NTSR1: variants seen among roughly 807,000 people sequenced by gnomAD.
The protein encoded by NTSR1 is neurotensin receptor 1.
A neutral mutation model predicts 31.2 loss-of-function variants in NTSR1; 29 were observed. The observed-to-expected ratio is 0.93, with a 90% confidence interval of 0.69 to 1.27. The LOEUF is 1.27. Among genes scored for constraint, NTSR1 ranks in the 50% most tolerant of loss-of-function variants. The probability of loss-of-function intolerance (pLI) is 0.00; values close to 1 mark genes in which losing one functional copy is unlikely to be tolerated. For synonymous variants in NTSR1, 282 were observed against 269.9 expected (o/e 1.04, Z -0.44); for missense variants, 697 against 595.4 (o/e 1.17, Z -1.78).
rs1174647836 is a variant in NTSR1, at chr20:62,709,887, C to T, written c.680C>T (p.Thr227Ile). Residue 227 changes from threonine to isoleucine, a missense_variant, in exon 1 of 4, where the codon ACC becomes ATC. Physicochemically the swap from Thr to Ile is moderately conservative, Grantham distance 89 (BLOSUM62 -1). Coordinates refer to ENST00000370501, the MANE Select transcript of NTSR1 (RefSeq NM_002531.3). ...GCCGGCGGCCTGGTGTGCACCCCCA[C>T]CATCCACACTGCCACCGTCAAGGTC... ...QHAGGLVCTP[T>I]IHTATVKVVI... is the part of the protein sequence containing the mutation. 1 of 1,601,098 alleles carries T rather than the reference C, an allele frequency of 6.2e-7. No homozygotes were observed. Among genetic ancestry groups the T allele is most frequent in the South Asian group, 1.1e-5 (1 of 90,602 alleles).
chr20:62,714,278 C>T lies in NTSR1; in HGVS notation c.714+4357C>T, dbSNP rs1010610893. Among the ~76,000 whole-genome samples the T allele has an allele frequency of 6.6e-6, 1 of 152,086 alleles. No individual in the cohort carries two copies. Among genetic ancestry groups the T allele is most frequent in the Admixed American group, 6.5e-5 (1 of 15,274 alleles). On this transcript the variant is annotated intron_variant, in intron 1 of 3. Transcript: ENST00000370501. This position sits in a 1 kb window ranked among gnomAD's most constrained non-coding sequence, Gnocchi z 4.1. ...GCATAGAGGGCTGTTGGTGTGGGGC[C>T]AAGAGTCACACACTTCCTCCAGTCT...
intron 1 of NTSR1, among the ~76,000 whole-genome samples, chr20:62,716,418 G>A (rs1008366276): frequency 6.6e-6 from 1 of 151,240 alleles, no homozygotes; most frequent in Non-Finnish European, 1.5e-5. Context: ...GTCGGAGGAG[G>A]GGTGGGGTGG....
chr20:62,741,411 C>T lies in NTSR1; in HGVS notation c.715-13274C>T, dbSNP rs752741788. On this transcript the variant is annotated intron_variant, in intron 1 of 3. Coordinates refer to ENST00000370501, the MANE Select transcript of NTSR1 (RefSeq NM_002531.3). This position sits in a 1 kb window ranked among gnomAD's most constrained non-coding sequence, Gnocchi z 4.3. ...GAGGGCAAACCTCTTGCAGAGGTGA[C>T]GGGTGACTCACCAGCCCCGCTCAGA... 1.3e-5 allele frequency among the ~76,000 whole-genome samples: 2 copies of T among 149,706 alleles called. No individual in the cohort carries two copies. Among genetic ancestry groups the T allele is most frequent in the African/African-American group, 5.0e-5 (2 of 40,150 alleles).
Position 62,760,200 on chromosome 20 carries a change from G to C in NTSR1, c.1190G>C (p.Arg397Thr). 1.2e-6 allele frequency: 2 copies of C among 1,613,936 alleles called. No homozygotes were observed. The highest frequency in any genetic ancestry group is 1.7e-6 in the Non-Finnish European group (2 of 1,180,012). The change falls in exon 4 of 4, where the codon AGG becomes ACG. Residue 397 changes from arginine (R) to threonine (T), a missense_variant. Transcript: ENST00000370501. ...AGGAGGAAGAGGCCAGCCTTCTCGA[G>C]GAAGGCCGACAGCGTGTCCAGCAAC... ...RRRRKRPAFSRKADSVSSNHT... is the reference protein window; with the variant it reads ...RRRRKRPAFSTKADSVSSNHT...
intron 1 of NTSR1, among the ~76,000 whole-genome samples, chr20:62,737,504 G>A (rs1600727761): frequency 1.3e-5 from 2 of 152,274 alleles, no homozygotes; most frequent in East Asian, 3.9e-4. Flanking sequence ...GGGGCCACTT[G>A]TCCTACTTGC....
Position 62,717,943 on chromosome 20 carries a change from TG to T in NTSR1, c.714+8027del, listed in dbSNP as rs1251967702. The stretch of plus-strand genomic sequence containing the variant: ...CAGAGAAAACCACACGGGGGGAGCG[TG>T]GGGGTGCAGGCAGGTCAGGAAGGCC... On this transcript the variant is annotated intron_variant, in intron 1 of 3. Coordinates refer to ENST00000370501, the MANE Select transcript of NTSR1 (RefSeq NM_002531.3). 6.0e-5 allele frequency among the ~76,000 whole-genome samples: 9 copies of T among 151,098 alleles called. No individual in the cohort carries two copies. In the East Asian group the frequency reaches 1.4e-3, roughly 23 times the overall value.
chr20:62,714,536 G>A lies in NTSR1; in HGVS notation c.714+4615G>A, dbSNP rs1192099182. Among the ~76,000 whole-genome samples, 1 of 152,192 alleles carries A rather than the reference G, an allele frequency of 6.6e-6. No homozygotes were observed. Among genetic ancestry groups the A allele is most frequent in the East Asian group, 1.9e-4 (1 of 5,196 alleles). On this transcript the variant is annotated intron_variant, in intron 1 of 3. Coordinates refer to ENST00000370501, the MANE Select transcript of NTSR1 (RefSeq NM_002531.3). The surrounding 1 kb of genome is among the most constrained non-coding windows in gnomAD (Gnocchi z 4.1). ...ACAGCTGCTGGGGTCACGAAGGGGA[G>A]AGAGTTAGGTGTGAGGTGAGCCCTG...
chr20:62,710,598 G>A (rs563822981), intron 1 of NTSR1, among the ~76,000 whole-genome samples: 5 of 152,216 alleles, frequency 3.3e-5, no homozygotes, highest in South Asian at 4.2e-4. Context: ...GTGTGGCGGC[G>A]GTGTTGTGGT....
Position 62,709,730 on chromosome 20 carries a change from A to AT in NTSR1, c.523_524insT (p.Lys175IlefsTer158). 2 of 1,612,922 alleles carry AT rather than the reference A, an allele frequency of 1.2e-6. No homozygotes were observed. Among genetic ancestry groups the AT allele is most frequent in the East Asian group, 2.2e-5 (1 of 44,868 alleles). On this transcript the variant is annotated frameshift_variant, in exon 1 of 4. Coordinates refer to ENST00000370501, the MANE Select transcript of NTSR1 (RefSeq NM_002531.3). LOFTEE classifies it high-confidence loss of function. Reference sequence around the variant, plus strand: ...CTACCTGGCCATCTGCCACCCCTTCAAGGCCAAGACCCTCATGTCCCGAAG... The same window carrying AT: ...CTACCTGGCCATCTGCCACCCCTTCATAGGCCAAGACCCTCATGTCCCGAAG...
rs766439818 is a variant in NTSR1 at position 62,709,653 on chromosome 20, A to ACGC, written c.448_450dup (p.Ala150dup). 1 of 1,612,526 alleles carries ACGC rather than the reference A, an allele frequency of 6.2e-7. No individual in the cohort carries two copies. Among genetic ancestry groups the ACGC allele is most frequent in the Non-Finnish European group, 8.5e-7 (1 of 1,179,900 alleles). On this transcript the variant is annotated inframe_insertion, in exon 1 of 4. Coordinates refer to ENST00000370501, the MANE Select transcript of NTSR1 (RefSeq NM_002531.3). ...TGCCGCGGCTACTACTTCCTGCGCGACGCCTGCACCTACGCCACGGCCCTC... is the reference window on the plus strand; with the variant it reads ...TGCCGCGGCTACTACTTCCTGCGCGACGCCGCCTGCACCTACGCCACGGCCCTC...
intron 1 of NTSR1, among the ~76,000 whole-genome samples, chr20:62,727,339 T>TG (rs979782979): frequency 6.6e-6 from 1 of 151,896 alleles, no homozygotes; most frequent in African/African-American, 2.4e-5. Flanking sequence ...TGGGTGGAAG[T>TG]GGGGGGTCCC....
At position 62,745,945 on chromosome 20, in the gene NTSR1, C is replaced by T. The variant is rs947380486; in HGVS notation, c.715-8740C>T. ...CGCCAGGGTGCTGTGGCATCAGTGGCGCTGAGGCATCCTCTGGCCGGCCCT... is the reference window on the plus strand; with the variant it reads ...CGCCAGGGTGCTGTGGCATCAGTGGTGCTGAGGCATCCTCTGGCCGGCCCT... On this transcript the variant is annotated intron_variant, in intron 1 of 3. Coordinates refer to ENST00000370501, the MANE Select transcript of NTSR1 (RefSeq NM_002531.3). This position sits in a 1 kb window ranked among gnomAD's most constrained non-coding sequence, Gnocchi z 4.1. Among the ~76,000 whole-genome samples, 10 of 152,346 alleles carry T rather than the reference C, an allele frequency of 6.6e-5. No individual in the cohort carries two copies. Among genetic ancestry groups the T allele is most frequent in the South Asian group, 2.1e-4 (1 of 4,832 alleles).
intron 2 of NTSR1, chr20:62,756,636 G>A (rs1427976854): frequency 6.6e-6 from 1 of 152,274 alleles, no homozygotes; most frequent in Non-Finnish European, 1.5e-5. Flanking sequence ...TGGACACGGA[G>A]CTCTCAGGGC....
intron 1 of NTSR1, among the ~76,000 whole-genome samples, chr20:62,747,072 G>C (rs56389715): frequency 0.19 from 29,629 of 152,172 alleles, 4,201 homozygotes; most frequent in African/African-American, 0.4. Flanking sequence ...CCCTGGGATG[G>C]AAACACAGTT....
Position 62,733,707 on chromosome 20 carries a change from G to A in NTSR1, c.715-20978G>A, listed in dbSNP as rs1989039107. On this transcript the variant is annotated intron_variant, in intron 1 of 3. Transcript: ENST00000370501. The surrounding 1 kb of genome is among the most constrained non-coding windows in gnomAD (Gnocchi z 5.2). ...AGGGAAAGGCAGAGAGAGAAACAGAGGGAGAAACACAAAGAGAGGGAGAGA... is the reference window on the plus strand; with the variant it reads ...AGGGAAAGGCAGAGAGAGAAACAGAAGGAGAAACACAAAGAGAGGGAGAGA... 6.6e-6 allele frequency among the ~76,000 whole-genome samples: 1 copy of A among 151,788 alleles called. No individual in the cohort carries two copies.
At chr20:62,737,482 C>T (rs943934415) in intron 1 of NTSR1, among the ~76,000 whole-genome samples, 11 of 152,168 alleles carry the variant, frequency 7.2e-5, no homozygotes, top group East Asian at 3.9e-4. Flanking sequence ...GCGGCAGGCA[C>T]GTGACCTCTG....
chr20:62,747,558 C>G (rs1336998136), intron 1 of NTSR1, among the ~76,000 whole-genome samples: 1 of 151,552 alleles, frequency 6.6e-6, no homozygotes, highest in Non-Finnish European at 1.5e-5. Flanking sequence ...ACACCACACT[C>G]AGTGATAAGA....
chr20:62,717,432 C>T lies in NTSR1; in HGVS notation c.714+7511C>T, dbSNP rs1302053823. 8.5e-5 allele frequency among the ~76,000 whole-genome samples: 13 copies of T among 152,298 alleles called. No individual in the cohort carries two copies. The East Asian group carries it at 2.3e-3, about 27-fold the overall frequency. On this transcript the variant is annotated intron_variant, in intron 1 of 3. Coordinates refer to ENST00000370501, the MANE Select transcript of NTSR1 (RefSeq NM_002531.3). The stretch of plus-strand genomic sequence containing the variant: ...GCTTGGAATGGCTGGCTTGCCAGAA[C>T]CCAGGTTCAAATCCCAGCTTCACCA...
chr20:62,734,756 A>C (rs1477010828), intron 1 of NTSR1, among the ~76,000 whole-genome samples: 2 of 152,256 alleles, frequency 1.3e-5, no homozygotes, highest in Non-Finnish European at 2.9e-5. Flanking sequence ...GGCGGTATAC[A>C]ATAGCTCACT....
Sources: allele counts gnomAD v4.1 joint callset (sites outside exome capture counted in the v4.1 genomes callset), GRCh38; gene constraint gnomAD v4.1.1; non-coding constraint Gnocchi (gnomAD v3.1); transcripts MANE v1.5; gene names NCBI Gene and HGNC (gene_info 2026-07-23, HGNC 2026-07-21).